The following NAV1 variants were observed in gnomAD, a reference collection of about 807,000 sequenced individuals.
NAV1 encodes the protein pore membrane and/or filament interacting like protein 3.
NAV1 carries 18 observed loss-of-function variants against 175.2 expected under a neutral mutation model. The observed-to-expected ratio is 0.10, with a 90% CI of 0.07 to 0.15. The LOEUF is 0.15. Ranked by LOEUF, NAV1 falls within the 10% of genes least tolerant of loss-of-function variation. The probability of loss-of-function intolerance (pLI) is 1.00; values close to 1 mark genes in which losing one functional copy is unlikely to be tolerated. For missense variants in NAV1, 1,731 were observed against 2,436.6 expected (o/e 0.71, Z 6.10); for synonymous variants, 897 against 978.7 (o/e 0.92, Z 1.56).
chr1:201,732,953 C>A (rs1443818082), intron 3 of NAV1, among the ~76,000 whole-genome samples: 2 of 152,050 alleles, frequency 1.3e-5, no homozygotes, highest in Non-Finnish European at 1.5e-5. Context: ...TGCCTGTAAT[C>A]CCAGCTCCTC....
intron 3 of NAV1, among the ~76,000 whole-genome samples, chr1:201,775,642 A>T (rs1273169587): frequency 6.6e-6 from 1 of 152,222 alleles, no homozygotes; most frequent in Non-Finnish European, 1.5e-5. Flanking sequence ...AGGACATTGG[A>T]AACCTGCCCC....
intron 15 of NAV1, chr1:201,796,932 A>T (rs1172931415): frequency 6.6e-6 from 1 of 152,182 alleles, no homozygotes; most frequent in Non-Finnish European, 1.5e-5. Flanking sequence ...CTCTCATTGT[A>T]TGGGTTGCTG....
chr1:201,704,591 C>T (rs1000569114), intron 1 of NAV1, among the ~76,000 whole-genome samples: 1 of 152,200 alleles, frequency 6.6e-6, no homozygotes, highest in African/African-American at 2.4e-5. Context: ...CACTTGGCAT[C>T]AGGAAGTCAA....
chr1:201,604,692 A>AAG (rs1553243154), intron 2 of NAV1, among the ~76,000 whole-genome samples: 10 of 150,284 alleles, frequency 6.7e-5, no homozygotes, highest in South Asian at 2.1e-4. Context: ...AAAAAAAAAA[A>AAG]AAGAAGAAGA....
chr1:201,809,608 G>C, intron 22 of NAV1, 71 bp downstream of exon 26: 3 of 1,443,666 alleles, frequency 2.1e-6, no homozygotes, highest in South Asian at 1.2e-5. Flanking sequence ...TTAGAGACAG[G>C]GTCTCACTCT....
At chr1:201,755,601 A>G (rs1674406134) in intron 3 of NAV1, among the ~76,000 whole-genome samples, 2 of 152,238 alleles carry the variant, frequency 1.3e-5, no homozygotes, top group South Asian at 4.1e-4. Flanking sequence ...ATGACCAGAT[A>G]TAGGCTAGGA....
chr1:201,708,465 T>C (rs2360771), intron 1 of NAV1, among the ~76,000 whole-genome samples: 13 of 120,222 alleles, frequency 1.1e-4, no homozygotes, highest in Admixed American at 2.4e-4. Flanking sequence ...CACACACACA[T>C]ACACACACTT....
At chr1:201,707,363 T>G (rs573495) in intron 1 of NAV1, among the ~76,000 whole-genome samples, 10,350 of 152,232 alleles carry the variant, frequency 0.068, 506 homozygotes, top group South Asian at 0.15. Flanking sequence ...CCTACTCTGT[T>G]CCAGGCACCG....
chr1:201,730,283 A>G (rs761258480), intron 3 of NAV1, among the ~76,000 whole-genome samples: 6 of 152,228 alleles, frequency 3.9e-5, no homozygotes, highest in Non-Finnish European at 7.3e-5. Context: ...TCCCCCCTCC[A>G]ATTTACAAGT....
intron 3 of NAV1, among the ~76,000 whole-genome samples, chr1:201,726,820 T>C (rs1672626283): frequency 6.6e-6 from 1 of 152,206 alleles, no homozygotes. Context: ...TTTCAAGGAA[T>C]GCTTCACAAC....
At chr1:201,681,192 C>T (rs565099745) in intron 1 of NAV1, among the ~76,000 whole-genome samples, 1 of 152,276 alleles carries the variant, frequency 6.6e-6, no homozygotes, top group South Asian at 2.1e-4. Flanking sequence ...CATTTCAGGC[C>T]TCCACAATTG....
chr1:201,661,256 A>G (rs1315433441), intron 1 of NAV1, among the ~76,000 whole-genome samples: 1 of 152,190 alleles, frequency 6.6e-6, no homozygotes, highest in African/African-American at 2.4e-5. Flanking sequence ...GCCCAGGCCT[A>G]TAGGAATCGG....
intron 28 of NAV1, among the ~76,000 whole-genome samples, chr1:201,814,777 C>T (rs1172621522): frequency 9.2e-5 from 14 of 152,038 alleles, no homozygotes; most frequent in East Asian, 7.7e-4. Context: ...CGGTGGCTCA[C>T]GCCTGTAATC....
Position 201,539,190 on chromosome 1 carries a change from G to T in NAV1, c.-296G>T, listed in dbSNP as rs938311075. Reference sequence around the variant, plus strand: ...CCCGAGGCTGGAGTGCGCGGCGGACGCCAAGCCTGGTGCGAGGGGCCGAGG... The same window carrying T: ...CCCGAGGCTGGAGTGCGCGGCGGACTCCAAGCCTGGTGCGAGGGGCCGAGG... On this transcript the variant is annotated 5_prime_UTR_variant, in exon 1 of 34. Coordinates refer to the NAV1 transcript ENST00000685211. This position sits in a 1 kb window ranked among gnomAD's most constrained non-coding sequence, Gnocchi z 5.6. Among the ~76,000 whole-genome samples, 3 of 152,204 alleles carry T rather than the reference G, an allele frequency of 2.0e-5. No individual in the cohort carries two copies. Among genetic ancestry groups the T allele is most frequent in the African/African-American group, 7.2e-5 (3 of 41,466 alleles).
At chr1:201,793,736 A>T in intron 13 of NAV1, 56 bp from the exon 18 acceptor site, 1 of 1,484,432 alleles carries the variant, frequency 6.7e-7, no homozygotes, top group Non-Finnish European at 9.4e-7. Context: ...ATTGTCAGTT[A>T]TTGCCTTTCC....
At chr1:201,573,383 AAAGG>A (rs1173771628) in intron 1 of NAV1, among the ~76,000 whole-genome samples, 1 of 152,190 alleles carries the variant, frequency 6.6e-6, no homozygotes, top group Non-Finnish European at 1.5e-5. Context: ...GGGAAAGAAG[AAAGG>A]AAGGAAGGAA....
chr1:201,780,141 T>C (rs1443686217), intron 3 of NAV1, among the ~76,000 whole-genome samples: 1 of 152,212 alleles, frequency 6.6e-6, no homozygotes, highest in Non-Finnish European at 1.5e-5. Flanking sequence ...ATCCAAAAAT[T>C]ACCTTGCCTT....
At chr1:201,804,596 AAAAAAAT>A (rs2102794408) in intron 17 of NAV1, 99 bp downstream of exon 21, 75 of 1,133,404 alleles carry the variant, frequency 6.6e-5, no homozygotes, top group Middle Eastern at 2.0e-4. Context: ...AAAAAAAAAA[AAAAAAAT>A]GAATGACCAC....
At chr1:201,601,200 G>T (rs1055101772) in intron 2 of NAV1, among the ~76,000 whole-genome samples, 1 of 152,232 alleles carries the variant, frequency 6.6e-6, no homozygotes, top group Non-Finnish European at 1.5e-5. Context: ...TTGGAATCCT[G>T]GCTGGGTGTA....
Sources: allele counts gnomAD v4.1 joint callset (sites outside exome capture counted in the v4.1 genomes callset), GRCh38; gene constraint gnomAD v4.1.1; non-coding constraint Gnocchi (gnomAD v3.1); transcripts MANE v1.5; gene names NCBI Gene and HGNC (gene_info 2026-07-23, HGNC 2026-07-21).